Variants in AKAP6 observed in about 807,000 individuals in gnomAD.
AKAP6 encodes A-kinase anchor protein 6.
In AKAP6, 58 loss-of-function variants were observed where a neutral mutation model predicts 188.5. That is an observed-to-expected ratio of 0.31 (90% CI 0.25 to 0.38). The LOEUF (loss-of-function observed/expected upper bound fraction) is 0.38. AKAP6 is among the 10% of genes least tolerant of loss of function. The pLI, the probability that AKAP6 is intolerant of heterozygous loss-of-function variation, is 1.00. For synonymous variants in AKAP6, 989 were observed against 998.6 expected, an observed-to-expected ratio of 0.99 and a Z score of 0.18; for missense variants, 2,710 against 2,740.0, an observed-to-expected ratio of 0.99 and a Z score of 0.24.
At chr14:32,412,152 C>A (rs1444043310) in intron 1 of AKAP6, among the ~76,000 whole-genome samples, 4 of 152,160 alleles carry the variant, frequency 2.6e-5, no homozygotes, top group Admixed American at 6.6e-5. Flanking sequence ...CTATTTCACA[C>A]CCTCTTATTT....
At chr14:32,436,659 A>C (rs2138718654) in intron 2 of AKAP6, among the ~76,000 whole-genome samples, 1 of 152,318 alleles carries the variant, frequency 6.6e-6, no homozygotes, top group South Asian at 2.1e-4. Context: ...ATACGTAAAC[A>C]AGCATGGTGA....
At chr14:32,645,906 T>G (rs142218097) in intron 7 of AKAP6, among the ~76,000 whole-genome samples, 16 of 152,258 alleles carry the variant, frequency 1.1e-4, no homozygotes, top group Non-Finnish European at 2.1e-4. Context: ...AATTTGCCAT[T>G]CCTCGGAGAA....
intron 2 of AKAP6, among the ~76,000 whole-genome samples, chr14:32,528,052 A>G (rs775196825): frequency 6.6e-6 from 1 of 151,686 alleles, no homozygotes; most frequent in Non-Finnish European, 1.5e-5. Flanking sequence ...ATTTTCTTCT[A>G]TGATATCTTA....
At chr14:32,417,710 T>C (rs1889706491) in intron 1 of AKAP6, 1 of 152,206 alleles carries the variant, frequency 6.6e-6, no homozygotes, top group African/African-American at 2.4e-5. Context: ...TTCTTTAAAA[T>C]TTTTATGTTA....
At chr14:32,769,784 G>A (rs2032841545) in intron 11 of AKAP6, among the ~76,000 whole-genome samples, 1 of 150,990 alleles carries the variant, frequency 6.6e-6, no homozygotes, top group Non-Finnish European at 1.5e-5. Context: ...TTTCTGATCT[G>A]GTTCTTACAT....
chr14:32,600,649 A>G lies in AKAP6; in HGVS notation c.2587A>G (p.Met863Val). ...HKAGLKDMLRMIASQWKELQR... is the reference protein window; with the variant it reads ...HKAGLKDMLRVIASQWKELQR... Reference sequence around the variant, plus strand: ...AGAAGGACTGAAGGACATGCTGCGGATGATTGCAAGTCAATGGAAGGAGCT... The same window carrying G: ...AGAAGGACTGAAGGACATGCTGCGGGTGATTGCAAGTCAATGGAAGGAGCT... Residue 863 changes from methionine (M) to valine (V), a missense_variant, in exon 7 of 14, where the codon ATG (methionine) becomes GTG (valine). Coordinates refer to ENST00000280979, the MANE Select transcript of AKAP6 (RefSeq NM_004274.5). The G allele has an allele frequency of 6.2e-7, 1 of 1,612,976 alleles. No individual in the cohort carries two copies.
intron 12 of AKAP6, among the ~76,000 whole-genome samples, chr14:32,797,569 A>G (rs145967978): frequency 6.6e-6 from 1 of 152,312 alleles, no homozygotes; most frequent in African/African-American, 2.4e-5. Context: ...AGGCTAAATG[A>G]TGAGAACACA....
rs1382292730 is a variant in AKAP6, at chr14:32,821,907, G to T, written c.4094G>T (p.Gly1365Val). The change falls in exon 13 of 14, where the codon GGA becomes GTA. Residue 1365 changes from glycine to valine, a missense_variant. Gly to Val is a moderately radical substitution (Grantham distance 109). Around this residue, in one of 2 missense-constraint regions of AKAP6, gnomAD observed 2,473 missense variants for 2,426.1 expected, o/e 1.02. Coordinates refer to ENST00000280979, the MANE Select transcript of AKAP6 (RefSeq NM_004274.5). The stretch of plus-strand genomic sequence containing the variant: ...AGCCAGAATTCAGGCAGTGAGAGTG[G>T]AATTGTCAGTGAAGGAGACACAGAA... ...DMSQNSGSES[G>V]IVSEGDTETT... The T allele has an allele frequency of 6.2e-7, 1 of 1,613,712 alleles. No homozygotes were observed. Among genetic ancestry groups the T allele is most frequent in the African/African-American group, 1.3e-5 (1 of 74,858 alleles).
Position 32,546,248 on chromosome 14 carries a change from G to A in AKAP6, c.1595G>A (p.Gly532Glu). The change falls in exon 4 of 14, where the codon GGA becomes GAA. Residue 532 changes from glycine to glutamate, a missense_variant. Physicochemically the swap from Gly to Glu is moderately conservative, Grantham distance 98. Around this residue, in one of 2 missense-constraint regions of AKAP6, gnomAD observed 2,473 missense variants for 2,426.1 expected, o/e 1.02. Transcript: ENST00000280979. The part of the protein sequence containing the change: ...KNTKSSAVPN[G>E]ELSYTSKAIE... ...ACAAAGAGCTCAGCAGTGCCAAATG[G>A]AGAGCTTTCTTATACTTCCAAGGCC... The A allele has an allele frequency of 6.2e-7, 1 of 1,614,160 alleles. No individual in the cohort carries two copies. Among genetic ancestry groups the A allele is most frequent in the Non-Finnish European group, 8.5e-7 (1 of 1,180,014 alleles).
chr14:32,623,256 A>G (rs1886886425), intron 7 of AKAP6, among the ~76,000 whole-genome samples: 1 of 152,164 alleles, frequency 6.6e-6, no homozygotes, highest in Non-Finnish European at 1.5e-5. Context: ...AATCATTATT[A>G]TGATACTTCG....
intron 8 of AKAP6, among the ~76,000 whole-genome samples, chr14:32,689,894 C>A (rs1002259336): frequency 1.3e-5 from 2 of 151,878 alleles, no homozygotes; most frequent in East Asian, 1.9e-4. Flanking sequence ...ATGTGAACAG[C>A]GAACACTTAG....
At chr14:32,349,989 T>G (rs543168679) in intron 1 of AKAP6, among the ~76,000 whole-genome samples, 3 of 152,132 alleles carry the variant, frequency 2.0e-5, no homozygotes, top group Non-Finnish European at 4.4e-5. Flanking sequence ...AAAATAAATA[T>G]ACATGAGTGT....
At chr14:32,514,004 C>T (rs1203657758) in intron 2 of AKAP6, among the ~76,000 whole-genome samples, 1 of 152,014 alleles carries the variant, frequency 6.6e-6, no homozygotes, top group Non-Finnish European at 1.5e-5. Flanking sequence ...TAATTTTTCA[C>T]CATTATAAAC....
intron 10 of AKAP6, among the ~76,000 whole-genome samples, chr14:32,735,418 G>A (rs997271329): frequency 6.6e-6 from 1 of 151,960 alleles, no homozygotes; most frequent in African/African-American, 2.4e-5. Flanking sequence ...GTATCCGCTG[G>A]TACTCAGAAC....
intron 4 of AKAP6, among the ~76,000 whole-genome samples, chr14:32,571,373 T>A (rs1250736273): frequency 6.6e-6 from 1 of 151,684 alleles, no homozygotes; most frequent in African/African-American, 2.4e-5. Flanking sequence ...AAAATAAAAA[T>A]AAAAAAATTA....
At chr14:32,372,860 C>T (rs7494316) in intron 1 of AKAP6, among the ~76,000 whole-genome samples, 48,762 of 150,738 alleles carry the variant, frequency 0.32, 9,034 homozygotes, top group Admixed American at 0.41. Context: ...AGAAAGAGAG[C>T]GAGCGAGCAT....
At chr14:32,511,716 C>T (rs1028345476) in intron 2 of AKAP6, among the ~76,000 whole-genome samples, 5 of 152,040 alleles carry the variant, frequency 3.3e-5, no homozygotes, top group East Asian at 1.9e-4. Context: ...TCTTTTTGTT[C>T]GGCCGTCTAC....
At chr14:32,764,902 T>C (rs950012260) in intron 11 of AKAP6, among the ~76,000 whole-genome samples, 1 of 151,922 alleles carries the variant, frequency 6.6e-6, no homozygotes, top group East Asian at 1.9e-4. Context: ...GTCCCAATGA[T>C]TATAGGCTAT....
chr14:32,534,477 G>A (rs1444701470), intron 2 of AKAP6, among the ~76,000 whole-genome samples: 1 of 152,200 alleles, frequency 6.6e-6, no homozygotes, highest in African/African-American at 2.4e-5. Context: ...CAAGTGACAT[G>A]TCAGATACCA....
Sources: gnomAD v4.1 joint callset for allele counts (sites outside exome capture counted in the v4.1 genomes callset) on GRCh38, gnomAD v4.1.1 for gene constraint, gnomAD v4.1.1 regional missense constraint, MANE v1.5 for transcripts, NCBI Gene and HGNC (gene_info 2026-07-23, HGNC 2026-07-21) for gene names.